Variants in SESN1 observed in about 807,000 individuals in gnomAD.
SESN1 encodes sestrin 1.
Under a neutral mutation model 59.3 loss-of-function variants are expected in SESN1, and 30 were observed. The observed-to-expected ratio is 0.51, with a 90% CI of 0.38 to 0.69. The LOEUF (loss-of-function observed/expected upper bound fraction) is 0.69, where lower values mean the gene tolerates loss of function less well. SESN1 is among the 30% of genes least tolerant of loss of function. SESN1 has a pLI of 0.00. For missense variants in SESN1, 566 were observed against 673.0 expected (o/e 0.84, Z 1.76); for synonymous variants, 197 against 219.9 (o/e 0.90, Z 0.92).
chr6:109,083,734 T>G (rs1344254253), intron 1 of SESN1, among the ~76,000 whole-genome samples: 1 of 152,232 alleles, frequency 6.6e-6, no homozygotes, highest in Non-Finnish European at 1.5e-5. Context: ...ACTTTTTACT[T>G]TTGAAAGGCT....
chr6:109,030,969 A>G (rs1376006766), intron 1 of SESN1, among the ~76,000 whole-genome samples: 1 of 152,208 alleles, frequency 6.6e-6, no homozygotes, highest in African/African-American at 2.4e-5. Context: ...GCCAGCTCTT[A>G]GGGGGCTTAC....
chr6:109,032,454 T>C (rs557799582), intron 1 of SESN1, among the ~76,000 whole-genome samples: 1 of 150,932 alleles, frequency 6.6e-6, no homozygotes, highest in East Asian at 2.0e-4. Context: ...CTGTCTCTAC[T>C]AAAAATACAA....
intron 1 of SESN1, among the ~76,000 whole-genome samples, chr6:109,020,092 C>A (rs532407818): frequency 5.3e-5 from 8 of 152,310 alleles, no homozygotes; most frequent in South Asian, 2.1e-4. Flanking sequence ...AACAAAAACA[C>A]AAACTTAGCA....
At chr6:109,054,029 T>C (rs1780588220) in intron 1 of SESN1, among the ~76,000 whole-genome samples, 2 of 152,152 alleles carry the variant, frequency 1.3e-5, no homozygotes, top group South Asian at 4.1e-4. Context: ...TGTCAATTTT[T>C]TAATATTTTT....
At chr6:109,063,620 C>A (rs984853439) in intron 1 of SESN1, among the ~76,000 whole-genome samples, 1 of 152,170 alleles carries the variant, frequency 6.6e-6, no homozygotes, top group Admixed American at 6.5e-5. Context: ...GCTGTGATTA[C>A]TGCTGTTTCC....
At chr6:109,062,093 C>T (rs1361795136) in intron 1 of SESN1, among the ~76,000 whole-genome samples, 1 of 152,152 alleles carries the variant, frequency 6.6e-6, no homozygotes, top group Non-Finnish European at 1.5e-5. Context: ...GGTACAGTCA[C>T]GGCTCACTGC....
At chr6:108,998,491 T>A in intron 5 of SESN1, 22 bp downstream of exon 5, 1 of 1,612,448 alleles carries the variant, frequency 6.2e-7, no homozygotes. Context: ...TTTATGACAA[T>A]CTCATGACAA....
At chr6:109,004,606 ATTT>A (rs1448300280) in intron 1 of SESN1, among the ~76,000 whole-genome samples, 3,577 of 152,018 alleles carry the variant, frequency 0.024, 148 homozygotes, top group African/African-American at 0.082. Context: ...AATTTTTTGT[ATTT>A]TTAGTAGAGA....
chr6:109,083,301 GA>G (rs1189194435), intron 1 of SESN1, among the ~76,000 whole-genome samples: 1 of 152,164 alleles, frequency 6.6e-6, no homozygotes, highest in African/African-American at 2.4e-5. Context: ...TGGATACTTA[GA>G]ATAGATGGTT....
chr6:109,067,394 C>A (rs1050856388), intron 1 of SESN1, among the ~76,000 whole-genome samples: 3 of 152,156 alleles, frequency 2.0e-5, no homozygotes, highest in Non-Finnish European at 4.4e-5. Flanking sequence ...CTTTTATGGA[C>A]ATTTTGGAGG....
intron 1 of SESN1, among the ~76,000 whole-genome samples, chr6:109,057,287 T>C (rs2114450375): frequency 6.6e-6 from 1 of 152,328 alleles, no homozygotes. Context: ...TACACAACAA[T>C]AGATGCCAGA....
At chr6:109,065,615 T>C (rs1018532424) in intron 1 of SESN1, among the ~76,000 whole-genome samples, 8 of 151,994 alleles carry the variant, frequency 5.3e-5, no homozygotes, top group Non-Finnish European at 7.4e-5. Flanking sequence ...AAGCAAGATA[T>C]TGGGCCATTG....
intron 5 of SESN1, among the ~76,000 whole-genome samples, chr6:108,995,217 A>G (rs1438293646): frequency 6.6e-6 from 1 of 152,214 alleles, no homozygotes; most frequent in Non-Finnish European, 1.5e-5. Context: ...CTACTTGTCA[A>G]TTTAAAGCAG....
intron 1 of SESN1, among the ~76,000 whole-genome samples, chr6:109,091,555 C>T (rs1217900745): frequency 6.6e-6 from 1 of 152,248 alleles, no homozygotes; most frequent in Non-Finnish European, 1.5e-5. Context: ...GGCCTTCATA[C>T]ATACCGTTCC....
intron 1 of SESN1, among the ~76,000 whole-genome samples, chr6:109,005,875 G>A (rs541946358): frequency 6.6e-6 from 1 of 152,228 alleles, no homozygotes; most frequent in East Asian, 1.9e-4. Flanking sequence ...CTAGTCTTAG[G>A]TATAAGGTCT....
At chr6:109,038,976 A>G (rs561092207) in intron 1 of SESN1, among the ~76,000 whole-genome samples, 2 of 151,320 alleles carry the variant, frequency 1.3e-5, no homozygotes, top group Admixed American at 1.3e-4. Context: ...GAAGGAAAAG[A>G]AAAAGAAGAA....
At chr6:109,019,725 TAAC>T in intron 1 of SESN1, among the ~76,000 whole-genome samples, 1 of 152,240 alleles carries the variant, frequency 6.6e-6, no homozygotes, top group Non-Finnish European at 1.5e-5. Context: ...TTGTTCTTAT[TAAC>T]AAAGATATTA....
At position 108,988,050 on chromosome 6, in the gene SESN1, T is replaced by C. The variant is rs143032489; in HGVS notation, c.1570-420A>G. On this transcript the variant is annotated intron_variant, in intron 9 of 9. Transcript: ENST00000436639. ...CTTAAGTGATCAGCCTGCCTTGGCC[T>C]CCCCAAGTGCTGGGATTACAGGTGT... Among the ~76,000 whole-genome samples the C allele has an allele frequency of 6.1e-3, 933 of 152,294 alleles. 10 individuals carry two copies. The highest frequency in any genetic ancestry group is 0.021 in the African/African-American group (860 of 41,560).
chr6:109,023,418 C>T (rs963250306), intron 1 of SESN1, among the ~76,000 whole-genome samples: 1 of 152,212 alleles, frequency 6.6e-6, no homozygotes, highest in Non-Finnish European at 1.5e-5. Flanking sequence ...ACCATGCTAA[C>T]AGTGACTGTT....
Sources: gnomAD v4.1 joint callset for allele counts (sites outside exome capture counted in the v4.1 genomes callset) on GRCh38, gnomAD v4.1.1 for gene constraint, MANE v1.5 for transcripts, NCBI Gene and HGNC (gene_info 2026-07-23, HGNC 2026-07-21) for gene names.